Variants in NCKAP5 observed in about 807,000 individuals in gnomAD.
NCKAP5 encodes the protein NCK associated protein 5, also known as nck-associated protein 5.
A neutral mutation model predicts 167.0 loss-of-function variants in NCKAP5; 92 were observed. The observed-to-expected ratio is 0.55, with a 90% CI of 0.47 to 0.66. NCKAP5 has a LOEUF of 0.66. NCKAP5 is among the 30% of genes least tolerant of loss of function. The pLI, the probability that NCKAP5 is intolerant of heterozygous loss-of-function variation, is 0.00. For missense variants in NCKAP5, 2,378 were observed against 2,315.0 expected, an observed-to-expected ratio of 1.03 and a Z score of -0.56; for synonymous variants, 891 against 877.4, an observed-to-expected ratio of 1.02 and a Z score of -0.27.
At chr2:132,834,780 C>T (rs1687771493) in intron 11 of NCKAP5, among the ~76,000 whole-genome samples, 1 of 152,176 alleles carries the variant, frequency 6.6e-6, no homozygotes, top group Non-Finnish European at 1.5e-5. Context: ...TGTGAACTAC[C>T]ACACCCGGTC....
chr2:133,651,932 A>C, the NCKAP5 span, among the ~76,000 whole-genome samples: 2 of 152,036 alleles, frequency 1.3e-5, no homozygotes, highest in Non-Finnish European at 2.9e-5. Context: ...ATAACTGTGC[A>C]CCTCCCTCCC....
intron 3 of NCKAP5, among the ~76,000 whole-genome samples, chr2:133,463,042 CA>C (rs1692303187): frequency 6.6e-6 from 1 of 152,158 alleles, no homozygotes; most frequent in Non-Finnish European, 1.5e-5. Context: ...AACATTGGTG[CA>C]CAGTCTAGGA....
At chr2:133,647,939 T>A in the NCKAP5 span, among the ~76,000 whole-genome samples, 1 of 152,030 alleles carries the variant, frequency 6.6e-6, no homozygotes, top group Non-Finnish European at 1.5e-5. Flanking sequence ...TCAAAAGATA[T>A]ATAGTGTATG....
the NCKAP5 span, among the ~76,000 whole-genome samples, chr2:133,630,615 G>A: frequency 6.6e-6 from 1 of 152,056 alleles, no homozygotes; most frequent in Admixed American, 6.5e-5. Flanking sequence ...AAAATGGCTT[G>A]TGCAATGGGT....
At chr2:133,402,786 G>A (rs1430753593) in intron 3 of NCKAP5, among the ~76,000 whole-genome samples, 6 of 152,104 alleles carry the variant, frequency 3.9e-5, no homozygotes. Context: ...GCAGATGCCA[G>A]CACCATGCTT....
chr2:133,063,266 C>A (rs1168943956), intron 6 of NCKAP5, among the ~76,000 whole-genome samples: 1 of 152,156 alleles, frequency 6.6e-6, no homozygotes, highest in Non-Finnish European at 1.5e-5. Flanking sequence ...ATTCCAAACA[C>A]CACACTTTGG....
At chr2:132,717,927 T>C (rs1194217590) in intron 19 of NCKAP5, among the ~76,000 whole-genome samples, 4 of 152,182 alleles carry the variant, frequency 2.6e-5, no homozygotes, top group Non-Finnish European at 5.9e-5. Context: ...GAGCCCTTTG[T>C]TGTGGTGATC....
intron 19 of NCKAP5, among the ~76,000 whole-genome samples, chr2:132,680,361 A>G (rs1377296765): frequency 6.6e-6 from 1 of 152,162 alleles, no homozygotes; most frequent in Non-Finnish European, 1.5e-5. Context: ...AACAGATTTT[A>G]TTAGGTGAAA....
chr2:132,909,131 G>A (rs1157832932), intron 8 of NCKAP5, among the ~76,000 whole-genome samples: 1 of 152,210 alleles, frequency 6.6e-6, no homozygotes, highest in Non-Finnish European at 1.5e-5. Context: ...AGGACCACTT[G>A]AGGTCAGGAG....
chr2:133,136,002 T>A (rs960373134), intron 5 of NCKAP5, among the ~76,000 whole-genome samples: 10 of 152,230 alleles, frequency 6.6e-5, no homozygotes, highest in African/African-American at 2.4e-4. Context: ...AATGTGTGTC[T>A]AAGCAGATCA....
chr2:132,960,895 G>A (rs2076492019), intron 8 of NCKAP5, among the ~76,000 whole-genome samples: 1 of 152,070 alleles, frequency 6.6e-6, no homozygotes, highest in Non-Finnish European at 1.5e-5. Context: ...ACAACACCAG[G>A]GGCCAAGAGA....
chr2:132,676,337 C>T (rs1385475373), intron 19 of NCKAP5, among the ~76,000 whole-genome samples: 1 of 117,586 alleles, frequency 8.5e-6, no homozygotes, highest in Non-Finnish European at 1.6e-5. Flanking sequence ...ACCTCATCCA[C>T]TCCCCTATTT....
At chr2:133,194,169 G>C (rs200519287) in intron 5 of NCKAP5, among the ~76,000 whole-genome samples, 1 of 152,114 alleles carries the variant, frequency 6.6e-6, no homozygotes, top group East Asian at 1.9e-4. Flanking sequence ...ACTAATGAAA[G>C]CTAGAGAAAG....
intron 2 of NCKAP5, among the ~76,000 whole-genome samples, chr2:133,549,372 G>T (rs1337016650): frequency 6.9e-6 from 1 of 145,298 alleles, no homozygotes; most frequent in Admixed American, 6.9e-5. Flanking sequence ...AAATGTAAAA[G>T]AACAGAAATT....
chr2:133,330,244 A>ATTTTTTTTTTT (rs765058418), intron 3 of NCKAP5, among the ~76,000 whole-genome samples: 59 of 88,152 alleles, frequency 6.7e-4, no homozygotes, highest in Middle Eastern at 8.3e-3. Flanking sequence ...TATTTTTTGT[A>ATTTTTTTTTTT]TTTTTTTTTT....
chr2:133,065,306 C>T (rs1170685495), intron 6 of NCKAP5, among the ~76,000 whole-genome samples: 1 of 152,194 alleles, frequency 6.6e-6, no homozygotes, highest in Non-Finnish European at 1.5e-5. Context: ...AGCTGCGCAA[C>T]AGCCATTTCT....
At chr2:132,870,732 C>T (rs371760317) in intron 9 of NCKAP5, among the ~76,000 whole-genome samples, 3 of 144,184 alleles carry the variant, frequency 2.1e-5, no homozygotes, top group East Asian at 2.1e-4. Context: ...CTAGTATAGT[C>T]GAACAGATTA....
intron 5 of NCKAP5, among the ~76,000 whole-genome samples, chr2:133,187,381 C>T (rs542856300): frequency 2.0e-5 from 3 of 152,020 alleles, no homozygotes; most frequent in African/African-American, 7.2e-5. Flanking sequence ...AAAGACAATG[C>T]CATTTATAAT....
intron 8 of NCKAP5, among the ~76,000 whole-genome samples, chr2:132,897,068 G>A (rs1245323046): frequency 1.3e-5 from 2 of 152,198 alleles, no homozygotes; most frequent in Non-Finnish European, 2.9e-5. Flanking sequence ...TGGAATCATA[G>A]TTTGAGGTGA....
Sources: gnomAD v4.1 joint callset for allele counts (sites outside exome capture counted in the v4.1 genomes callset) on GRCh38, gnomAD v4.1.1 for gene constraint, MANE v1.5 for transcripts, NCBI Gene and HGNC (gene_info 2026-07-23, HGNC 2026-07-21) for gene names.